The following NDUFB5 variants were observed in gnomAD, a reference collection of about 807,000 sequenced individuals.
NDUFB5 encodes the protein NADH dehydrogenase [ubiquinone] 1 beta subcomplex subunit 5, mitochondrial.
Under a neutral mutation model 19.4 loss-of-function variants are expected in NDUFB5, and 19 were observed. That is an observed-to-expected ratio of 0.98 (90% CI 0.68 to 1.43). The LOEUF (loss-of-function observed/expected upper bound fraction) is 1.43. Among genes scored for constraint, NDUFB5 ranks in the 40% most tolerant of loss-of-function variants. The pLI is 0.00. For missense variants in NDUFB5, 233 were observed against 236.5 expected (o/e 0.99, Z 0.10); for synonymous variants, 80 against 82.6 (o/e 0.97, Z 0.17).
chr3:179,613,581 C>CA (rs539084135), intron 1 of NDUFB5, among the ~76,000 whole-genome samples: 178 of 152,034 alleles, frequency 1.2e-3, no homozygotes, highest in African/African-American at 3.9e-3. Flanking sequence ...ATCTAGTCCA[C>CA]AAAAAAAATT....
intron 5 of NDUFB5, among the ~76,000 whole-genome samples, chr3:179,623,392 G>A (rs1719584784): frequency 6.6e-6 from 1 of 152,246 alleles, no homozygotes; most frequent in Non-Finnish European, 1.5e-5. Flanking sequence ...TGTTTGGTAG[G>A]CCGGGTGCGG....
In NDUFB5 at chr3:179,616,850, A is replaced by G. The variant is rs1719392039; in HGVS notation, c.281-133A>G. On this transcript the variant is annotated intron_variant, in intron 3 of 5. Transcript: ENST00000259037. ...GATTAAAGTGAATTAAAAATACTACATATCTTCATTGGTACAAATTTTTTA... is the reference window on the plus strand; with the variant it reads ...GATTAAAGTGAATTAAAAATACTACGTATCTTCATTGGTACAAATTTTTTA... 7.7e-6 allele frequency: 5 copies of G among 653,524 alleles called. No homozygotes were observed. The South Asian group carries it at 8.5e-5, about 11-fold the overall frequency. 40.5% of individuals were successfully genotyped at this position (653,524 alleles called of 1,614,324 possible).
rs543954144 is a variant in NDUFB5, at chr3:179,607,032, G to T, written c.124+2093G>T. 1.1e-4 allele frequency among the ~76,000 whole-genome samples: 17 copies of T among 152,256 alleles called. 1 individual carries two copies. In the East Asian group the frequency reaches 2.5e-3, roughly 22 times the overall value. Reference sequence around the variant, plus strand: ...ACAAATCCTTCAAATACTCGCTCTGGTAGTATTCAATCAAATCCAGCTGGA... The same window carrying T: ...ACAAATCCTTCAAATACTCGCTCTGTTAGTATTCAATCAAATCCAGCTGGA... On this transcript the variant is annotated intron_variant, in intron 1 of 5. Transcript: ENST00000259037.
At chr3:179,615,962 A>G (rs750992019) in intron 2 of NDUFB5, 21 bp from the exon 3 acceptor site, 3 of 1,580,926 alleles carry the variant, frequency 1.9e-6, no homozygotes, top group Non-Finnish European at 1.7e-6. Context: ...GTCATGAGAA[A>G]CACTTTTTTT....
At chr3:179,616,516 C>T (rs4147791) in intron 3 of NDUFB5, among the ~76,000 whole-genome samples, 4,485 of 151,928 alleles carry the variant, frequency 0.03, 146 homozygotes, top group East Asian at 0.12. Context: ...CACTCCAGCC[C>T]GGGCAACAGA....
At position 179,623,939 on chromosome 3, in the gene NDUFB5, C is replaced by A. The variant is rs143453890; in HGVS notation, c.469C>A (p.Arg157=). The A allele has an allele frequency of 2.1e-5, 34 of 1,613,278 alleles. No homozygotes were observed. The East Asian group carries it at 7.4e-4, about 35-fold the overall frequency. The change falls in exon 6 of 6, where the codon CGA becomes AGA. Residue 157 remains arginine (R), a synonymous_variant. Transcript: ENST00000259037. ...AELRVKELEV[R]KLMHVRGDGP... is the part of the protein sequence containing the mutation. ...TTACAGGGTAAAGGAGCTGGAAGTG[C>A]GAAAATTGATGCATGTGAGAGGAGA... is the stretch of plus-strand genomic sequence containing the variant.
intron 5 of NDUFB5, among the ~76,000 whole-genome samples, chr3:179,619,643 G>A (rs1272467970): frequency 6.6e-6 from 1 of 152,182 alleles, no homozygotes; most frequent in African/African-American, 2.4e-5. Flanking sequence ...ATTGTGAATA[G>A]TGCCACAGTA....
At chr3:179,621,217 A>G (rs1719525482) in intron 5 of NDUFB5, among the ~76,000 whole-genome samples, 1 of 152,016 alleles carries the variant, frequency 6.6e-6, no homozygotes, top group South Asian at 2.1e-4. Flanking sequence ...AGCCAAGATT[A>G]CAGGTGCATG....
intron 5 of NDUFB5, among the ~76,000 whole-genome samples, chr3:179,621,115 T>C (rs1303697450): frequency 1.3e-5 from 2 of 152,198 alleles, no homozygotes; most frequent in African/African-American, 2.4e-5. Context: ...TCTTGCTCTG[T>C]TGCCCAGGCT....
At chr3:179,623,818 T>TA (rs1438223654) in intron 5 of NDUFB5, 102 bp from the exon 6 acceptor site, 1 of 1,422,564 alleles carries the variant, frequency 7.0e-7, no homozygotes, top group Admixed American at 1.8e-5. Context: ...CATTATACTT[T>TA]ACATAAAAGC....
intron 4 of NDUFB5, 108 bp downstream of exon 4, chr3:179,617,152 T>G: frequency 1.2e-6 from 1 of 829,508 alleles, no homozygotes; most frequent in Non-Finnish European, 1.9e-6. Flanking sequence ...GTTTTGTTTT[T>G]TTTGAGACAG....
At chr3:179,605,328 G>C (rs1350696558) in intron 1 of NDUFB5, among the ~76,000 whole-genome samples, 3 of 152,142 alleles carry the variant, frequency 2.0e-5, no homozygotes, top group Non-Finnish European at 4.4e-5. Context: ...CTATGCTAAG[G>C]AATATGAAGA....
intron 1 of NDUFB5, among the ~76,000 whole-genome samples, chr3:179,611,865 A>G (rs186319139): frequency 7.2e-5 from 11 of 152,242 alleles, no homozygotes; most frequent in Admixed American, 4.6e-4. Flanking sequence ...TAAATACTTA[A>G]TGGAGAAATT....
chr3:179,617,810 G>C (rs777890205), intron 4 of NDUFB5, among the ~76,000 whole-genome samples: 6 of 152,116 alleles, frequency 3.9e-5, no homozygotes, highest in Non-Finnish European at 5.9e-5. Context: ...TCTAGATGGG[G>C]TCACTATTTC....
chr3:179,607,887 T>G, intron 1 of NDUFB5: 1 of 679,542 alleles, frequency 1.5e-6, no homozygotes, highest in Non-Finnish European at 2.7e-6. Context: ...GTAGCATATG[T>G]CAGAATTTCC....
In NDUFB5 at chr3:179,619,739, G is replaced by T. The variant is rs527513834; in HGVS notation, c.449+1218G>T. On this transcript the variant is annotated intron_variant, in intron 5 of 5. Transcript: ENST00000259037. ...AGTAATGGGATTGCTGGGTCAAATG[G>T]TATTTCTAGTTCTAGATCCCTGAGG... 1.1e-4 allele frequency among the ~76,000 whole-genome samples: 16 copies of T among 152,224 alleles called. No homozygotes were observed. In the East Asian group the frequency reaches 2.7e-3, roughly 26 times the overall value.
At chr3:179,616,525 G>C (rs571876975) in intron 3 of NDUFB5, among the ~76,000 whole-genome samples, 1 of 152,014 alleles carries the variant, frequency 6.6e-6, no homozygotes, top group Non-Finnish European at 1.5e-5. Flanking sequence ...CCGGGCAACA[G>C]AGTGAGACTC....
At position 179,608,485 on chromosome 3, in the gene NDUFB5, G is replaced by A. The variant is rs76775613; in HGVS notation, c.124+3546G>A. 9.3e-3 allele frequency among the ~76,000 whole-genome samples: 1,422 copies of A among 152,162 alleles called. 24 individuals carry two copies. The highest frequency in any genetic ancestry group is 0.033 in the African/African-American group (1,351 of 41,526). On this transcript the variant is annotated intron_variant, in intron 1 of 5. Transcript: ENST00000259037. ...TGGGATTATAGACATGAGCCACCGC[G>A]CCCTGCCAGAAGAGAGTTTTTATTC...
At chr3:179,622,663 A>G (rs1164911497) in intron 5 of NDUFB5, among the ~76,000 whole-genome samples, 2 of 152,170 alleles carry the variant, frequency 1.3e-5, no homozygotes, top group African/African-American at 4.8e-5. Flanking sequence ...TTGGATAGTT[A>G]TACTCTAAAG....
Sources: gnomAD v4.1 joint callset for allele counts (sites outside exome capture counted in the v4.1 genomes callset) on GRCh38, gnomAD v4.1.1 for gene constraint, MANE v1.5 for transcripts, NCBI Gene and HGNC (gene_info 2026-07-23, HGNC 2026-07-21) for gene names.